Variants in ST6GAL1 observed in about 807,000 individuals in gnomAD.
The protein encoded by ST6GAL1 is ST6 beta-galactoside alpha-2,6-sialyltransferase 1, also known as beta-galactoside alpha-2,6-sialyltransferase 1.
ST6GAL1 carries 20 observed loss-of-function variants against 38.0 expected under a neutral mutation model. The observed-to-expected ratio is 0.53, with a 90% CI of 0.37 to 0.77. The LOEUF is 0.77. Among genes scored for constraint, ST6GAL1 ranks in the 30% least tolerant of loss-of-function variants. ST6GAL1 has a pLI of 0.00. For missense variants in ST6GAL1, 432 were observed against 496.4 expected (o/e 0.87, Z 1.23); for synonymous variants, 196 against 188.2 (o/e 1.04, Z -0.34).
rs1434013786 is a variant in ST6GAL1, at chr3:187,075,566, C to A, written c.984C>A (p.Ile328=). 1.2e-6 allele frequency: 2 copies of A among 1,614,016 alleles called. No homozygotes were observed. Among genetic ancestry groups the A allele is most frequent in the Non-Finnish European group, 1.7e-6 (2 of 1,179,908 alleles). ...PNPPSSGMLG[I]IIMMTLCDQV... is the part of the protein sequence containing the mutation. ...CACCTCTGCTCCCCTCTCCAGGTATCATCATCATGATGACGCTGTGTGACC... is the reference window on the plus strand; with the variant it reads ...CACCTCTGCTCCCCTCTCCAGGTATAATCATCATGATGACGCTGTGTGACC... The change falls in exon 8 of 8, where the codon ATC becomes ATA. Residue 328 remains isoleucine, a synonymous_variant. Coordinates refer to ENST00000169298, the MANE Select transcript of ST6GAL1 (RefSeq NM_173216.2). This position sits in a 1 kb window ranked among gnomAD's most constrained non-coding sequence, Gnocchi z 4.1.
intron 2 of ST6GAL1, among the ~76,000 whole-genome samples, chr3:187,032,312 A>G (rs1209129674): frequency 6.6e-6 from 1 of 152,136 alleles, no homozygotes; most frequent in Non-Finnish European, 1.5e-5. Flanking sequence ...AAAAAGTTTC[A>G]TGTTCTGGCT....
intron 1 of ST6GAL1, among the ~76,000 whole-genome samples, chr3:186,940,308 A>G (rs1327698907): frequency 1.3e-5 from 2 of 152,208 alleles, no homozygotes; most frequent in Non-Finnish European, 2.9e-5. Context: ...TAGAGTATTC[A>G]AATGGGGTAA....
chr3:186,947,317 A>G (rs142917303), intron 1 of ST6GAL1, among the ~76,000 whole-genome samples: 1 of 152,318 alleles, frequency 6.6e-6, no homozygotes, highest in Non-Finnish European at 1.5e-5. Context: ...GCAATGGTAC[A>G]GAGAAGGTGA....
chr3:186,960,016 C>T (rs1338393070), intron 1 of ST6GAL1, among the ~76,000 whole-genome samples: 1 of 152,084 alleles, frequency 6.6e-6, no homozygotes, highest in African/African-American at 2.4e-5. Context: ...ACAGAGCACT[C>T]GAGCAATGGT....
At chr3:186,939,452 C>T (rs1197637107) in intron 1 of ST6GAL1, among the ~76,000 whole-genome samples, 1 of 152,146 alleles carries the variant, frequency 6.6e-6, no homozygotes, top group Non-Finnish European at 1.5e-5. Context: ...GTGGAAGGAG[C>T]ACTGAATTCG....
chr3:186,994,769 C>T (rs1716306342), intron 2 of ST6GAL1, among the ~76,000 whole-genome samples: 1 of 152,004 alleles, frequency 6.6e-6, no homozygotes, highest in Non-Finnish European at 1.5e-5. Flanking sequence ...CATGATGAAA[C>T]TCCGTTTCTA....
At chr3:187,017,947 G>C (rs9852850) in intron 2 of ST6GAL1, among the ~76,000 whole-genome samples, 1 of 151,914 alleles carries the variant, frequency 6.6e-6, no homozygotes, top group Non-Finnish European at 1.5e-5. Flanking sequence ...CCTTATCTTC[G>C]GTATTTCAGT....
intron 7 of ST6GAL1, 118 bp downstream of exon 7, chr3:187,074,451 T>C: frequency 8.5e-7 from 1 of 1,177,890 alleles, no homozygotes; most frequent in African/African-American, 1.6e-5. Context: ...ATTGCTAGGA[T>C]TCTGCTCTGC....
intron 5 of ST6GAL1, among the ~76,000 whole-genome samples, chr3:187,057,854 G>A (rs1718765514): frequency 6.6e-6 from 1 of 152,188 alleles, no homozygotes; most frequent in African/African-American, 2.4e-5. Context: ...GTTTAAGTCT[G>A]CAGAAGTTTC....
At chr3:187,054,688 G>C (rs1718630699) in intron 5 of ST6GAL1, among the ~76,000 whole-genome samples, 1 of 152,112 alleles carries the variant, frequency 6.6e-6, no homozygotes, top group East Asian at 1.9e-4. Context: ...TGCACTGCTG[G>C]ATTTGGTTTG....
intron 2 of ST6GAL1, among the ~76,000 whole-genome samples, chr3:187,000,608 A>G (rs900781326): frequency 2.0e-5 from 3 of 152,104 alleles, no homozygotes; most frequent in African/African-American, 7.2e-5. Flanking sequence ...TTTCATCTTT[A>G]TAGTGCATGT....
At chr3:186,974,728 G>GT (rs915194174) in intron 2 of ST6GAL1, among the ~76,000 whole-genome samples, 8 of 126,112 alleles carry the variant, frequency 6.3e-5, no homozygotes, top group African/African-American at 1.9e-4. Flanking sequence ...AGCCTGGTTG[G>GT]GGGGGGGGCG....
At chr3:186,967,997 AT>A (rs1715208568) in intron 2 of ST6GAL1, among the ~76,000 whole-genome samples, 1 of 152,192 alleles carries the variant, frequency 6.6e-6, no homozygotes, top group Admixed American at 6.5e-5. Context: ...AGAGGGTGTC[AT>A]TTTAGTGATG....
rs556211521 is a variant in ST6GAL1, at chr3:186,982,327, T to G, written c.-183+18401T>G. On this transcript the variant is annotated intron_variant, in intron 2 of 7. Transcript: ENST00000169298. The stretch of plus-strand genomic sequence containing the variant: ...TCACATCATTCCTAACCTTTTTCCA[T>G]GTGGATAAGCATGACCTTAGTCAAG... Among the ~76,000 whole-genome samples the G allele has an allele frequency of 3.3e-5, 5 of 152,320 alleles. No homozygotes were observed. In the East Asian group the frequency reaches 9.6e-4, roughly 29 times the overall value.
intron 1 of ST6GAL1, among the ~76,000 whole-genome samples, chr3:186,940,997 C>T (rs113629033): frequency 6.6e-6 from 1 of 152,102 alleles, no homozygotes; most frequent in African/African-American, 2.4e-5. Flanking sequence ...AGAGTGGGCA[C>T]AGAAACACTG....
In ST6GAL1 at chr3:186,974,590, G is replaced by A. The variant is rs751597972; in HGVS notation, c.-183+10664G>A. Among the ~76,000 whole-genome samples the A allele has an allele frequency of 1.3e-4, 19 of 151,912 alleles. 1 individual carries two copies. The highest frequency in any genetic ancestry group is 4.1e-4 in the African/African-American group (17 of 41,332). ...CACAATCCAGTTATAGAACATTTCC[G>A]TCATTAGTGGGGTCAGCTTTAGATG... On this transcript the variant is annotated intron_variant, in intron 2 of 7. Coordinates refer to ENST00000169298, the MANE Select transcript of ST6GAL1 (RefSeq NM_173216.2).
chr3:186,971,264 T>C (rs1715340725), intron 2 of ST6GAL1, among the ~76,000 whole-genome samples: 1 of 152,216 alleles, frequency 6.6e-6, no homozygotes, highest in Non-Finnish European at 1.5e-5. Flanking sequence ...AATTTTTTTG[T>C]ATCTTTAGTA....
chr3:187,060,331 T>C (rs1476384081), intron 5 of ST6GAL1, among the ~76,000 whole-genome samples: 2 of 152,102 alleles, frequency 1.3e-5, no homozygotes, highest in Non-Finnish European at 2.9e-5. Flanking sequence ...CGACTAATTT[T>C]TGTATTTTTA....
intron 2 of ST6GAL1, among the ~76,000 whole-genome samples, chr3:186,969,953 T>C (rs1298715484): frequency 6.6e-6 from 1 of 152,226 alleles, no homozygotes; most frequent in Non-Finnish European, 1.5e-5. Flanking sequence ...TCTTACTGGC[T>C]GGGTGCCTTT....
Sources: gnomAD v4.1 joint callset for allele counts (sites outside exome capture counted in the v4.1 genomes callset) on GRCh38, gnomAD v4.1.1 for gene constraint, Gnocchi (gnomAD v3.1) non-coding constraint, MANE v1.5 for transcripts, NCBI Gene and HGNC (gene_info 2026-07-23, HGNC 2026-07-21) for gene names.